DYNC2H1: variants seen among roughly 807,000 people sequenced by gnomAD.
DYNC2H1 encodes cytoplasmic dynein 2 heavy chain 1.
Under a neutral mutation model 570.0 loss-of-function variants are expected in DYNC2H1, and 410 were observed. That is an observed-to-expected ratio of 0.72 (90% CI 0.66 to 0.78). DYNC2H1 has a LOEUF of 0.78. Among genes scored for constraint, DYNC2H1 ranks in the 30% least tolerant of loss-of-function variants. The pLI, the probability that DYNC2H1 is intolerant of heterozygous loss-of-function variation, is 0.00. For synonymous variants in DYNC2H1, 1,688 were observed against 1,677.6 expected (o/e 1.01, Z -0.15); for missense variants, 4,865 against 5,046.4 (o/e 0.96, Z 1.09).
At chr11:103,354,164 C>A in intron 82 of DYNC2H1, among the ~76,000 whole-genome samples, 1 of 136,184 alleles carries the variant, frequency 7.3e-6, no homozygotes, top group Admixed American at 7.5e-5. Context: ...GTGACAGAGC[C>A]AGGCTCTGTC....
rs1327354425 is a variant in DYNC2H1 at position 103,159,332 on chromosome 11, G to A, written c.4378+305G>A. On this transcript the variant is annotated intron_variant, in intron 28 of 88. Transcript: ENST00000375735. ...ACATCTAGGGCGATATCTGAAGAAT[G>A]TATAGGCCTTAGTTAGAAAAAGGCA... 3.3e-5 allele frequency among the ~76,000 whole-genome samples: 5 copies of A among 152,192 alleles called. No homozygotes were observed. The East Asian group carries it at 9.6e-4, about 29-fold the overall frequency.
intron 5 of DYNC2H1, among the ~76,000 whole-genome samples, chr11:103,117,412 G>A (rs970328698): frequency 6.6e-6 from 1 of 151,434 alleles, no homozygotes. Context: ...ATGGTATATT[G>A]AAAATTGAAA....
intron 84 of DYNC2H1, among the ~76,000 whole-genome samples, chr11:103,413,717 C>T (rs973248110): frequency 6.6e-6 from 1 of 152,156 alleles, no homozygotes; most frequent in Admixed American, 6.6e-5. Context: ...ACTCCCTCAT[C>T]TATAGCTTTA....
Position 103,192,267 on chromosome 11 carries a change from A to G in DYNC2H1, c.7708+3A>G, listed in dbSNP as rs1304940792. 2.0e-6 allele frequency: 3 copies of G among 1,535,402 alleles called. No homozygotes were observed. Among genetic ancestry groups the G allele is most frequent in the Non-Finnish European group, 1.8e-6 (2 of 1,131,972 alleles). ...AGACATATTAGACAATATGTCAGGT[A>G]AGGTAATAGAGCTTATGCAAATACA... On this transcript the variant is annotated splice_donor_region_variant and intron_variant, in intron 47 of 88. Transcript: ENST00000375735.
rs1938490109 is a variant in DYNC2H1 at position 103,326,509 on chromosome 11, A to G, written c.12039+2519A>G. 6.6e-6 allele frequency among the ~76,000 whole-genome samples: 1 copy of G among 152,092 alleles called. No homozygotes were observed. The highest frequency in any genetic ancestry group is 2.4e-5 in the African/African-American group (1 of 41,398). On this transcript the variant is annotated intron_variant, in intron 82 of 88. Transcript: ENST00000375735. This position sits in a 1 kb window ranked among gnomAD's most constrained non-coding sequence, Gnocchi z 6.1. Reference sequence around the variant, plus strand: ...AGGGTGGGCGCTTCTCCCCAGCTCCAGTGTTGGCCGCAGATCTGGGCTCGG... The same window carrying G: ...AGGGTGGGCGCTTCTCCCCAGCTCCGGTGTTGGCCGCAGATCTGGGCTCGG...
rs1249770077 is a variant in DYNC2H1, at chr11:103,156,487, G to A, written c.3844G>A (p.Glu1282Lys). ...AGCAGTGTTTACATTAATTGATTAT[G>A]AAGACAGCCAAAGTCGAACTATGAA... ...VGAVFTLIDY[E>K]DSQSRTMKLI... is the part of the protein sequence containing the mutation. The change falls in exon 26 of 89, where the codon GAA (glutamate) becomes AAA (lysine). Residue 1282 changes from glutamate to lysine, a missense_variant. Around this residue, in one of 5 missense-constraint regions of DYNC2H1, gnomAD observed 1,936 missense variants for 1,962.1 expected, o/e 0.99. Transcript: ENST00000375735. 1 of 1,613,686 alleles carries A rather than the reference G, an allele frequency of 6.2e-7. No individual in the cohort carries two copies. Among genetic ancestry groups the A allele is most frequent in the Non-Finnish European group, 8.5e-7 (1 of 1,179,708 alleles).
In DYNC2H1 at chr11:103,122,814, G is replaced by T; in HGVS notation, c.1486-11G>T. On this transcript the variant is annotated splice_polypyrimidine_tract_variant and intron_variant, in intron 10 of 88. Coordinates refer to ENST00000375735, the MANE Select transcript of DYNC2H1 (RefSeq NM_001377.3). ...TAAATAATGCACATGTCTGTAATTT[G>T]GCTTTTTAAGGTAGATGATACTATC... 6.2e-7 allele frequency: 1 copy of T among 1,606,990 alleles called. No individual in the cohort carries two copies.
chr11:103,454,308 A>G (rs1346487222), intron 85 of DYNC2H1, among the ~76,000 whole-genome samples: 1 of 152,140 alleles, frequency 6.6e-6, no homozygotes, highest in East Asian at 1.9e-4. Context: ...TGACATTACT[A>G]TAGTACCATC....
chr11:103,338,775 C>T (rs905063495), intron 82 of DYNC2H1, among the ~76,000 whole-genome samples: 2 of 152,080 alleles, frequency 1.3e-5, no homozygotes, highest in Non-Finnish European at 2.9e-5. Context: ...TTTGAATTTC[C>T]TGTCTGAGGT....
At chr11:103,316,469 T>A in intron 79 of DYNC2H1, 76 bp from the exon 80 acceptor site, 1 of 990,086 alleles carries the variant, frequency 1.0e-6, no homozygotes, top group Non-Finnish European at 1.5e-6. Context: ...ATCATTTAAT[T>A]TAAAGACAGT....
intron 87 of DYNC2H1, 57 bp from the exon 88 acceptor site, chr11:103,468,532 C>T: frequency 1.6e-6 from 2 of 1,213,370 alleles, no homozygotes; most frequent in Non-Finnish European, 2.4e-6. Context: ...AATAGAGTAA[C>T]CTCTGACATT....
rs767294668 is a variant in DYNC2H1, at chr11:103,152,166, A to C, written c.2977A>C (p.Lys993Gln). 2.9e-5 allele frequency: 46 copies of C among 1,609,002 alleles called. No individual in the cohort carries two copies. Among genetic ancestry groups the C allele is most frequent in the Non-Finnish European group, 3.7e-5 (44 of 1,178,186 alleles). Residue 993 changes from lysine (K) to glutamine (Q), a missense_variant, in exon 21 of 89, where the codon AAA becomes CAA. Lys to Gln is a moderately conservative substitution (Grantham distance 53). Around this residue, in one of 5 missense-constraint regions of DYNC2H1, gnomAD observed 1,936 missense variants for 1,962.1 expected, o/e 0.99. Transcript: ENST00000375735. ...ILPLFQEAED[K>Q]NRLLRTVAGG... ...GCCCTTATTTCAAGAAGCTGAAGAC[A>C]AAAACAGACTTTTACGAACTGTGGC...
At position 103,320,880 on chromosome 11, in the gene DYNC2H1, C is replaced by G. The variant is rs1443241690; in HGVS notation, c.11726-149C>G. 6.2e-6 allele frequency: 4 copies of G among 641,980 alleles called. 1 individual carries two copies. The East Asian group carries it at 1.2e-4, about 19-fold the overall frequency. The allele number at this position is 641,980 out of a possible 1,614,324, so 39.8% of individuals were successfully genotyped here. ...GGAAAATTTTACTTGATTAAAAAAT[C>G]TCAAATATTTACTACTATTAATAGT... On this transcript the variant is annotated intron_variant, in intron 80 of 88. Transcript: ENST00000375735.
At position 103,203,646 on chromosome 11, in the gene DYNC2H1, C is replaced by A. The variant is rs1406119024; in HGVS notation, c.8198-17C>A. 2 of 1,484,436 alleles carry A rather than the reference C, an allele frequency of 1.3e-6. No individual in the cohort carries two copies. The highest frequency in any genetic ancestry group is 2.0e-5 in the Admixed American group (1 of 50,028). 92.0% of individuals were successfully genotyped at this position (1,484,436 alleles called of 1,614,324 possible). The stretch of plus-strand genomic sequence containing the variant: ...ATTTATTAAAATGTTTTCAATTAGT[C>A]TAATATTTTTCTGTAGGTGAAGTTC... On this transcript the variant is annotated splice_polypyrimidine_tract_variant and intron_variant, in intron 50 of 88. Transcript: ENST00000375735. This position sits in a 1 kb window ranked among gnomAD's most constrained non-coding sequence, Gnocchi z 4.7.
In DYNC2H1 at chr11:103,165,964, C is replaced by T. The variant is rs1004756175; in HGVS notation, c.4678C>T (p.Leu1560Phe). ...DVENAIKDHS[L>F]HQIETQLVNK... is the part of the protein sequence containing the mutation. ...AGAAAATGCTATTAAAGATCATAGT[C>T]TTCATCAGATTGAAACACAACTGGT... The change falls in exon 31 of 89, where the codon CTT (leucine) becomes TTT (phenylalanine). Residue 1560 changes from leucine to phenylalanine, a missense_variant. Physicochemically the swap from Leu to Phe is conservative, Grantham distance 22. Transcript: ENST00000375735. The T allele has an allele frequency of 2.0e-6, 3 of 1,524,232 alleles. No homozygotes were observed. Among genetic ancestry groups the T allele is most frequent in the Non-Finnish European group, 1.8e-6 (2 of 1,134,698 alleles). The allele number at this position is 1,524,232 out of a possible 1,614,324, so 94.4% of individuals were successfully genotyped here. A position where few individuals can be genotyped will look rare whatever the true frequency, so the allele number is the denominator to read the frequency against.
chr11:103,429,104 T>C lies in DYNC2H1; in HGVS notation c.12367-6839T>C, dbSNP rs561977341. 5.3e-5 allele frequency among the ~76,000 whole-genome samples: 8 copies of C among 151,892 alleles called. No individual in the cohort carries two copies. The South Asian group carries it at 1.7e-3, about 32-fold the overall frequency. ...GGCAAAACCCCATCTCTACAAAAAA[T>C]ACAAAATTTAGCCAGGTATGGTGGT... On this transcript the variant is annotated intron_variant, in intron 84 of 88. Transcript: ENST00000375735.
Position 103,436,031 on chromosome 11 carries a change from A to G in DYNC2H1, c.12455A>G (p.Gln4152Arg). ...CTTGTTGCCCGTGCCCTTGCAATACAGGTATGCCTAAATTATTTACTAAGT... is the reference window on the plus strand; with the variant it reads ...CTTGTTGCCCGTGCCCTTGCAATACGGGTATGCCTAAATTATTTACTAAGT... ...RGLVARALAI[Q>R]NWVDKAEKQA... The change falls in exon 85 of 89, where the codon CAG becomes CGG. Residue 4152 changes from glutamine to arginine, a missense_variant and splice_region_variant. By Grantham distance (43) the Gln-to-Arg change is conservative. Around this residue, in one of 5 missense-constraint regions of DYNC2H1, gnomAD observed 2,401 missense variants for 2,454.6 expected, o/e 0.98. Coordinates refer to ENST00000375735, the MANE Select transcript of DYNC2H1 (RefSeq NM_001377.3). 2.5e-6 allele frequency: 4 copies of G among 1,611,940 alleles called. No individual in the cohort carries two copies. Among genetic ancestry groups the G allele is most frequent in the Non-Finnish European group, 2.5e-6 (3 of 1,178,730 alleles).
intron 73 of DYNC2H1, among the ~76,000 whole-genome samples, chr11:103,284,137 CG>C (rs1565461718): frequency 1.3e-5 from 2 of 151,878 alleles, no homozygotes; most frequent in Non-Finnish European, 2.9e-5. Flanking sequence ...CTGATGACTT[CG>C]GCCTGTCTTC....
At chr11:103,159,571 T>C (rs1860993549) in intron 28 of DYNC2H1, among the ~76,000 whole-genome samples, 1 of 152,110 alleles carries the variant, frequency 6.6e-6, no homozygotes, top group South Asian at 2.1e-4. Flanking sequence ...GGGAAAACTG[T>C]AATGTCAAAT....
Sources: gnomAD v4.1 joint callset for allele counts (sites outside exome capture counted in the v4.1 genomes callset) on GRCh38, gnomAD v4.1.1 for gene constraint, gnomAD v4.1.1 regional missense constraint, Gnocchi (gnomAD v3.1) non-coding constraint, MANE v1.5 for transcripts, NCBI Gene and HGNC (gene_info 2026-07-23, HGNC 2026-07-21) for gene names.